LRP1B: variants seen among roughly 807,000 people sequenced by gnomAD.
The protein encoded by LRP1B is low-density lipoprotein receptor-related protein 1B.
In LRP1B, 217 loss-of-function variants were observed where a neutral mutation model predicts 556.6. That is an observed-to-expected ratio of 0.39 (90% CI 0.35 to 0.44). The LOEUF (loss-of-function observed/expected upper bound fraction) is 0.44. LRP1B is among the 20% of genes least tolerant of loss of function. The pLI, the probability that LRP1B is intolerant of heterozygous loss-of-function variation, is 1.00. For missense variants in LRP1B, 5,053 were observed against 5,620.8 expected (o/e 0.90, Z 3.23); for synonymous variants, 2,047 against 1,865.8 (o/e 1.10, Z -2.50).
intron 31 of LRP1B, among the ~76,000 whole-genome samples, chr2:140,838,841 G>A (rs1438187583): frequency 2.0e-5 from 3 of 152,110 alleles, no homozygotes; most frequent in Non-Finnish European, 4.4e-5. Flanking sequence ...TGAGGAAAAA[G>A]TGATTAAGGT....
chr2:141,018,972 G>A (rs1291714675), intron 12 of LRP1B, among the ~76,000 whole-genome samples: 1 of 151,944 alleles, frequency 6.6e-6, no homozygotes, highest in Non-Finnish European at 1.5e-5. Context: ...TTTTTTGTAT[G>A]TGTGCAGTAA....
At chr2:141,639,349 T>TATATATATATACACACAC (rs1262198983) in intron 2 of LRP1B, among the ~76,000 whole-genome samples, 8 of 56,088 alleles carry the variant, frequency 1.4e-4, no homozygotes, top group South Asian at 9.9e-4. Context: ...TATATATATA[T>TATATATATATACACACAC]ACACACACAC....
At chr2:141,075,782 A>G (rs990233129) in intron 7 of LRP1B, among the ~76,000 whole-genome samples, 2 of 152,192 alleles carry the variant, frequency 1.3e-5, no homozygotes, top group African/African-American at 4.8e-5. Context: ...GTTCACTGCT[A>G]TGCTAATTAC....
At chr2:141,245,092 C>T (rs1684018540) in intron 5 of LRP1B, among the ~76,000 whole-genome samples, 1 of 152,132 alleles carries the variant, frequency 6.6e-6, no homozygotes, top group African/African-American at 2.4e-5. Flanking sequence ...CTCTGTGTAG[C>T]ACTAGTGTGT....
At chr2:140,668,435 A>T (rs1482354716) in intron 41 of LRP1B, among the ~76,000 whole-genome samples, 1 of 151,810 alleles carries the variant, frequency 6.6e-6, no homozygotes, top group Non-Finnish European at 1.5e-5. Flanking sequence ...TAAGTAAAAA[A>T]ATCATAATAC....
chr2:142,006,871 T>C (rs1007903740), intron 1 of LRP1B, among the ~76,000 whole-genome samples: 7 of 152,180 alleles, frequency 4.6e-5, no homozygotes, highest in African/African-American at 1.7e-4. Flanking sequence ...ATTTTTAACA[T>C]GTTTTCTCTT....
At chr2:140,682,142 A>G (rs527467563) in intron 41 of LRP1B, among the ~76,000 whole-genome samples, 17 of 152,276 alleles carry the variant, frequency 1.1e-4, no homozygotes, top group Non-Finnish European at 2.2e-4. Context: ...CCTTATGGTT[A>G]TTTGTCAGAG....
chr2:140,511,754 T>G (rs6430904), intron 51 of LRP1B, among the ~76,000 whole-genome samples: 107,844 of 152,018 alleles, frequency 0.71, 38,765 homozygotes, highest in Middle Eastern at 0.82. Flanking sequence ...AGTTTAACAT[T>G]TTATGTAGTA....
chr2:141,923,288 T>A (rs1188310808), intron 1 of LRP1B, among the ~76,000 whole-genome samples: 2 of 151,148 alleles, frequency 1.3e-5, no homozygotes, highest in South Asian at 4.2e-4. Context: ...TGGCCTAATA[T>A]GTTATAAAAA....
intron 49 of LRP1B, among the ~76,000 whole-genome samples, chr2:140,520,166 T>C (rs1043705083): frequency 4.6e-5 from 7 of 152,162 alleles, no homozygotes; most frequent in African/African-American, 1.4e-4. Context: ...TGTATGTTTA[T>C]TGCGGCACTA....
intron 2 of LRP1B, among the ~76,000 whole-genome samples, chr2:141,626,977 C>T (rs1249867143): frequency 6.6e-6 from 1 of 152,156 alleles, no homozygotes; most frequent in Non-Finnish European, 1.5e-5. Context: ...AACTTATGTG[C>T]ACACAAAAGC....
chr2:141,874,084 A>ATTTTTTTT (rs200281267), intron 1 of LRP1B, among the ~76,000 whole-genome samples: 32 of 103,138 alleles, frequency 3.1e-4, no homozygotes, highest in Non-Finnish European at 3.7e-4. Context: ...TGAACTAACA[A>ATTTTTTTT]TTTTTTTTTT....
chr2:141,476,894 C>A (rs181929076), intron 3 of LRP1B, among the ~76,000 whole-genome samples: 6 of 152,082 alleles, frequency 3.9e-5, no homozygotes, highest in African/African-American at 9.7e-5. Flanking sequence ...GATGCTGAGG[C>A]GGGTGGATCA....
At chr2:141,242,229 C>A (rs1037090688) in intron 5 of LRP1B, among the ~76,000 whole-genome samples, 1 of 152,074 alleles carries the variant, frequency 6.6e-6, no homozygotes, top group Non-Finnish European at 1.5e-5. Flanking sequence ...CAGACACCTG[C>A]CAATTCTCCC....
intron 2 of LRP1B, among the ~76,000 whole-genome samples, chr2:141,770,249 T>A (rs981588697): frequency 1.3e-5 from 2 of 152,178 alleles, no homozygotes; most frequent in Non-Finnish European, 2.9e-5. Flanking sequence ...CTTCCCTTAT[T>A]TATGGATCTT....
At position 140,331,409 on chromosome 2, in the gene LRP1B, A is replaced by AT. The variant is rs143080462; in HGVS notation, c.12223+3043_12223+3044insA. Among the ~76,000 whole-genome samples the AT allele has an allele frequency of 6.8e-3, 1,030 of 152,158 alleles. 11 individuals carry two copies. Among genetic ancestry groups the AT allele is most frequent in the South Asian group, 0.019 (90 of 4,826 alleles). On this transcript the variant is annotated intron_variant, in intron 79 of 90. Transcript: ENST00000389484. ...TGTGTCTTATACGGTGCCCAATAAC[A>AT]ATAATAATCAGTGTGTCATTTGAAG...
intron 41 of LRP1B, among the ~76,000 whole-genome samples, chr2:140,612,799 A>G (rs148296591): frequency 1.3e-5 from 2 of 152,074 alleles, no homozygotes; most frequent in African/African-American, 2.4e-5. Flanking sequence ...CTTTCTATAC[A>G]TCATAATTCT....
chr2:141,282,432 C>T (rs1482540421), intron 3 of LRP1B, among the ~76,000 whole-genome samples: 2 of 146,224 alleles, frequency 1.4e-5, no homozygotes, highest in East Asian at 2.1e-4. Flanking sequence ...GAGCAAGATA[C>T]TTTTCTATTT....
chr2:140,855,986 C>G (rs1692606440), intron 27 of LRP1B, among the ~76,000 whole-genome samples: 1 of 151,930 alleles, frequency 6.6e-6, no homozygotes, highest in Non-Finnish European at 1.5e-5. Context: ...TTCTTTTTAC[C>G]TCTACTCCTC....
Sources: gnomAD v4.1 joint callset for allele counts (sites outside exome capture counted in the v4.1 genomes callset) on GRCh38, gnomAD v4.1.1 for gene constraint, MANE v1.5 for transcripts, NCBI Gene and HGNC (gene_info 2026-07-23, HGNC 2026-07-21) for gene names.